Variants in ACOT7 observed in about 807,000 individuals in gnomAD.
ACOT7 encodes cytosolic acyl coenzyme A thioester hydrolase.
In ACOT7, 12 loss-of-function variants were observed where a neutral mutation model predicts 40.2. That is an observed-to-expected ratio of 0.30 (90% CI 0.19 to 0.48). The LOEUF is 0.48. Ranked by LOEUF, ACOT7 falls within the 20% of genes least tolerant of loss-of-function variation. ACOT7 has a pLI of 0.99. For synonymous variants in ACOT7, 228 were observed against 219.5 expected, an observed-to-expected ratio of 1.04 and a Z score of -0.34; for missense variants, 395 against 530.8, an observed-to-expected ratio of 0.74 and a Z score of 2.51.
At chr1:6,373,878 A>G (rs2148475263) in intron 1 of ACOT7, among the ~76,000 whole-genome samples, 1 of 152,118 alleles carries the variant, frequency 6.6e-6, no homozygotes, top group Admixed American at 6.5e-5. Flanking sequence ...AAAAAAAAAA[A>G]AAAATGCAGG....
At chr1:6,348,874 T>C (rs1008767398) in intron 2 of ACOT7, among the ~76,000 whole-genome samples, 10 of 152,202 alleles carry the variant, frequency 6.6e-5, no homozygotes, top group Non-Finnish European at 1.3e-4. Flanking sequence ...ACTTGGCCTC[T>C]TGATAGAGTG....
chr1:6,332,222 C>G (rs895506602), intron 4 of ACOT7, among the ~76,000 whole-genome samples: 2 of 152,200 alleles, frequency 1.3e-5, no homozygotes. Flanking sequence ...CCTGCCGGGG[C>G]CCACACTGCA....
intron 4 of ACOT7, among the ~76,000 whole-genome samples, chr1:6,332,452 C>T (rs1053865070): frequency 2.0e-5 from 3 of 152,238 alleles, no homozygotes; most frequent in Non-Finnish European, 4.4e-5. Flanking sequence ...GTATGTGTGG[C>T]TTCCACAGGC....
Position 6,286,570 on chromosome 1 carries a change from A to G in ACOT7, c.830-5284T>C, listed in dbSNP as rs531550673. Among the ~76,000 whole-genome samples the G allele has an allele frequency of 1.0e-3, 156 of 152,262 alleles. 2 individuals are homozygous for G. The highest frequency in any genetic ancestry group is 3.5e-3 in the African/African-American group (147 of 41,550). ...GATTTAAATCCAGGCTTGGCCACTG[A>G]GCAGGGACAAGCCAGGAGACTGCAC... On this transcript the variant is annotated intron_variant, in intron 7 of 8. Coordinates refer to ENST00000361521, the MANE Select transcript of ACOT7 (RefSeq NM_007274.4).
rs1402457981 is a variant in ACOT7, at chr1:6,339,512, A to G, written c.339T>C (p.His113=). Residue 113 remains histidine, a synonymous_variant, in exon 3 of 9, where the codon CAT becomes CAC. Transcript: ENST00000361521. ...AGGTGTAGGTGATCTCCGCGCTGACATGCGCCACCTCACCGATGCACATGG... is the reference window on the plus strand; with the variant it reads ...AGGTGTAGGTGATCTCCGCGCTGACGTGCGCCACCTCACCGATGCACATGG... The part of the protein sequence containing the change: ...LSPMCIGEVA[H]VSAEITYTSK... 1.9e-6 allele frequency: 3 copies of G among 1,613,672 alleles called. No individual in the cohort carries two copies. The South Asian group carries it at 3.3e-5, about 18-fold the overall frequency.
intron 1 of ACOT7, among the ~76,000 whole-genome samples, chr1:6,356,010 A>T (rs1641733874): frequency 6.6e-6 from 1 of 152,150 alleles, no homozygotes; most frequent in Non-Finnish European, 1.5e-5. Flanking sequence ...GTGTCCCCCA[A>T]AAGATGTGTT....
At chr1:6,385,463 C>T (rs777683425) in intron 1 of ACOT7, 2 of 1,594,070 alleles carry the variant, frequency 1.3e-6, no homozygotes, top group Non-Finnish European at 1.7e-6. Context: ...AGTGAGACAC[C>T]ATGGGCACAA....
intron 8 of ACOT7, among the ~76,000 whole-genome samples, chr1:6,276,367 G>A (rs1376503162): frequency 1.3e-5 from 2 of 152,174 alleles, no homozygotes; most frequent in African/African-American, 4.8e-5. Flanking sequence ...CAAGGTCAGA[G>A]GGCACTGCCA....
intron 5 of ACOT7, among the ~76,000 whole-genome samples, chr1:6,321,616 G>A (rs1361014546): frequency 3.3e-5 from 5 of 152,190 alleles, no homozygotes; most frequent in African/African-American, 9.6e-5. Context: ...CCGGGTTCAC[G>A]CCATTCTCCT....
chr1:6,385,347 C>G, intron 1 of ACOT7: 2 of 1,024,230 alleles, frequency 2.0e-6, no homozygotes, highest in Non-Finnish European at 2.8e-6. Context: ...TGGGCACTTT[C>G]AATCCAGCAA....
At chr1:6,349,609 G>A (rs2148455241) in intron 2 of ACOT7, 140 bp downstream of exon 2, 2 of 828,200 alleles carry the variant, frequency 2.4e-6, no homozygotes, top group Non-Finnish European at 3.8e-6. Context: ...AGAAATACTT[G>A]GGCCACTTCT....
At chr1:6,266,677 C>T (rs1638862122) in intron 8 of ACOT7, among the ~76,000 whole-genome samples, 5 of 152,290 alleles carry the variant, frequency 3.3e-5, no homozygotes, top group Admixed American at 2.6e-4. Flanking sequence ...TTGTCCTCCC[C>T]TTCCCCTGTG....
intron 5 of ACOT7, among the ~76,000 whole-genome samples, chr1:6,326,182 G>A (rs571848838): frequency 1.4e-4 from 22 of 152,170 alleles, no homozygotes; most frequent in Admixed American, 2.0e-4. Flanking sequence ...CACACAGTGC[G>A]TCCTGGAGGG....
At chr1:6,337,897 C>A (rs994673637) in intron 3 of ACOT7, among the ~76,000 whole-genome samples, 2 of 151,262 alleles carry the variant, frequency 1.3e-5, no homozygotes, top group Non-Finnish European at 2.9e-5. Flanking sequence ...ATAGCTTGAA[C>A]CTGGGAGGCA....
At chr1:6,361,693 A>G (rs1219105427) in intron 1 of ACOT7, among the ~76,000 whole-genome samples, 1 of 152,164 alleles carries the variant, frequency 6.6e-6, no homozygotes, top group Non-Finnish European at 1.5e-5. Flanking sequence ...GCTACCAGGG[A>G]AGGTGAGGCA....
rs112094954 is a variant in ACOT7 at position 6,369,642 on chromosome 1, G to A, written c.144-19776C>T. The stretch of plus-strand genomic sequence containing the variant: ...CGCCCAGGCTGGAGTGCAGTGGCAC[G>A]ATCTCAGCTCACTGCAAGCTCCGCC... On this transcript the variant is annotated intron_variant, in intron 1 of 8. Coordinates refer to ENST00000361521, the MANE Select transcript of ACOT7 (RefSeq NM_007274.4). Among the ~76,000 whole-genome samples, 53 of 151,060 alleles carry A rather than the reference G, an allele frequency of 3.5e-4. No individual in the cohort carries two copies. The South Asian group carries it at 0.011, about 31-fold the overall frequency.
intron 5 of ACOT7, among the ~76,000 whole-genome samples, chr1:6,326,128 A>G (rs1371764294): frequency 6.6e-6 from 1 of 152,190 alleles, no homozygotes; most frequent in Non-Finnish European, 1.5e-5. Context: ...AGCACAGAGC[A>G]CGAATGTGCC....
chr1:6,372,044 CA>C (rs35430188), intron 1 of ACOT7, among the ~76,000 whole-genome samples: 606 of 129,964 alleles, frequency 4.7e-3, no homozygotes, highest in Admixed American at 4.4e-3. Flanking sequence ...AACTCTGTGT[CA>C]AAAAAAAAAA....
intron 6 of ACOT7, among the ~76,000 whole-genome samples, chr1:6,307,733 C>T (rs926730996): frequency 1.3e-5 from 2 of 149,824 alleles, no homozygotes; most frequent in Admixed American, 6.6e-5. Context: ...CACGACCAGG[C>T]GGGGGAACTG....
Sources: gnomAD v4.1 joint callset for allele counts (sites outside exome capture counted in the v4.1 genomes callset) on GRCh38, gnomAD v4.1.1 for gene constraint, MANE v1.5 for transcripts, NCBI Gene and HGNC (gene_info 2026-07-23, HGNC 2026-07-21) for gene names.